Variants in IGF1R observed in about 807,000 individuals in gnomAD.
IGF1R encodes the protein insulin like growth factor 1 receptor, also known as insulin-like growth factor 1 receptor.
A neutral mutation model predicts 144.6 loss-of-function variants in IGF1R; 44 were observed. That is an observed-to-expected ratio of 0.30 (90% confidence interval 0.24 to 0.39). The LOEUF is 0.39. IGF1R is among the 10% of genes least tolerant of loss of function. The pLI is 1.00. For synonymous variants in IGF1R, 795 were observed against 722.8 expected, an observed-to-expected ratio of 1.10 and a Z score of -1.60; for missense variants, 1,355 against 1,833.7, an observed-to-expected ratio of 0.74 and a Z score of 4.77.
intron 4 of IGF1R, 86 bp from the exon 5 acceptor site, chr15:98,899,391 T>A: frequency 7.1e-7 from 1 of 1,400,882 alleles, no homozygotes. Flanking sequence ...TGCCGTTGAA[T>A]TGTTCTCACT....
intron 2 of IGF1R, among the ~76,000 whole-genome samples, chr15:98,793,909 A>AT (rs1406376076): frequency 6.6e-6 from 1 of 152,212 alleles, no homozygotes; most frequent in African/African-American, 2.4e-5. Context: ...TAGAATTTAG[A>AT]TAGCTTCACT....
intron 2 of IGF1R, among the ~76,000 whole-genome samples, chr15:98,714,396 C>T (rs1430840798): frequency 6.6e-6 from 1 of 152,136 alleles, no homozygotes; most frequent in African/African-American, 2.4e-5. Context: ...GTAATCCTAG[C>T]ATTTGGGGAG....
rs575084890 is a variant in IGF1R, at chr15:98,886,768, T to A, written c.641-4557T>A. On this transcript the variant is annotated intron_variant, in intron 2 of 20. Coordinates refer to ENST00000650285, the MANE Select transcript of IGF1R (RefSeq NM_000875.5). Reference sequence around the variant, plus strand: ...TTAATGGTCCTGAACACTAATAATATTTATATACATTGAGATGAGACAAAA... The same window carrying A: ...TTAATGGTCCTGAACACTAATAATAATTATATACATTGAGATGAGACAAAA... 4.6e-5 allele frequency among the ~76,000 whole-genome samples: 7 copies of A among 152,224 alleles called. No homozygotes were observed. In the South Asian group the frequency reaches 1.5e-3, roughly 32 times the overall value.
intron 2 of IGF1R, among the ~76,000 whole-genome samples, chr15:98,861,836 C>A (rs2012174696): frequency 1.3e-5 from 2 of 152,212 alleles, no homozygotes. Context: ...GCACATGTAC[C>A]TAAAAGGATT....
At chr15:98,848,318 T>C (rs745839793) in intron 2 of IGF1R, among the ~76,000 whole-genome samples, 3 of 152,236 alleles carry the variant, frequency 2.0e-5, no homozygotes, top group East Asian at 1.9e-4. Context: ...TCACAACTTA[T>C]GTGAAATACA....
intron 20 of IGF1R, among the ~76,000 whole-genome samples, chr15:98,950,267 A>G (rs1001890258): frequency 2.0e-5 from 3 of 152,190 alleles, no homozygotes; most frequent in African/African-American, 7.2e-5. Context: ...TATGAACCAG[A>G]CATGTGTCAG....
chr15:98,835,080 T>TACAC lies in IGF1R; in HGVS notation c.641-56218_641-56215dup, dbSNP rs34443123. Reference sequence around the variant, plus strand: ...GGCCAGGGCAAGAGAACACCCCCCCTACACACACACACACACACACACACA... The same window carrying TACAC: ...GGCCAGGGCAAGAGAACACCCCCCCTACACACACACACACACACACACACACACA... On this transcript the variant is annotated intron_variant, in intron 2 of 20. Coordinates refer to ENST00000650285, the MANE Select transcript of IGF1R (RefSeq NM_000875.5). 5.3e-3 allele frequency among the ~76,000 whole-genome samples: 691 copies of TACAC among 130,474 alleles called. 8 individuals are homozygous for TACAC. Among genetic ancestry groups the TACAC allele is most frequent in the East Asian group, 0.053 (240 of 4,548 alleles). 85.6% of individuals were successfully genotyped at this position (130,474 alleles called of 152,430 possible). A position where few individuals can be genotyped will look rare whatever the true frequency, so the allele number is the denominator to read the frequency against.
chr15:98,699,095 G>A (rs1233933223), intron 1 of IGF1R, among the ~76,000 whole-genome samples: 1 of 152,266 alleles, frequency 6.6e-6, no homozygotes, highest in African/African-American at 2.4e-5. Flanking sequence ...TCACGAGAGA[G>A]AGGGAAAGGA....
intron 19 of IGF1R, 124 bp from the exon 20 acceptor site, chr15:98,948,450 C>A: frequency 9.8e-7 from 1 of 1,024,790 alleles, no homozygotes; most frequent in Non-Finnish European, 1.5e-6. Flanking sequence ...CGCTGTCTGA[C>A]AAGCACTGTC....
chr15:98,788,365 C>T (rs949289392), intron 2 of IGF1R, among the ~76,000 whole-genome samples: 2 of 152,044 alleles, frequency 1.3e-5, no homozygotes, highest in African/African-American at 4.8e-5. Flanking sequence ...GGGAGACAGT[C>T]TCTGAGTCAT....
At position 98,916,698 on chromosome 15, in the gene IGF1R, GACGGC is replaced by G; in HGVS notation, c.2026_2030del (p.Gly676HisfsTer4). The G allele has an allele frequency of 6.2e-7, 1 of 1,614,090 alleles. No individual in the cohort carries two copies. The highest frequency in any genetic ancestry group is 8.5e-7 in the Non-Finnish European group (1 of 1,180,010). On this transcript the variant is annotated frameshift_variant, in exon 10 of 21. Transcript: ENST00000650285. LOFTEE classifies it high-confidence loss of function. The stretch of plus-strand genomic sequence containing the variant: ...CAAAATCCCCATCAGGAAGTATGCC[GACGGC>G]ACCATCGACATTGAGGAGGTCACAG...
chr15:98,746,777 A>C (rs999446035), intron 2 of IGF1R, among the ~76,000 whole-genome samples: 4 of 152,110 alleles, frequency 2.6e-5, no homozygotes, highest in African/African-American at 7.2e-5. Context: ...TTAATTTGAG[A>C]GTTGAGGCCC....
chr15:98,685,099 C>T (rs552403500), intron 1 of IGF1R, among the ~76,000 whole-genome samples: 53 of 152,048 alleles, frequency 3.5e-4, no homozygotes, highest in African/African-American at 1.2e-3. Flanking sequence ...TGTGCCATCA[C>T]GCCTGGCTAA....
At chr15:98,855,656 G>A (rs1463067156) in intron 2 of IGF1R, among the ~76,000 whole-genome samples, 3 of 152,092 alleles carry the variant, frequency 2.0e-5, no homozygotes, top group Non-Finnish European at 4.4e-5. Flanking sequence ...TAATGTATAC[G>A]TTTAGAACCT....
At chr15:98,895,838 C>G (rs989499080) in intron 3 of IGF1R, among the ~76,000 whole-genome samples, 1 of 152,138 alleles carries the variant, frequency 6.6e-6, no homozygotes, top group Non-Finnish European at 1.5e-5. Context: ...TAATGGCTCC[C>G]CAGCTTACCA....
chr15:98,748,137 C>T (rs114977077), intron 2 of IGF1R, among the ~76,000 whole-genome samples: 48 of 152,196 alleles, frequency 3.2e-4, no homozygotes, highest in African/African-American at 1.1e-3. Flanking sequence ...TTCATATTTA[C>T]TTCTGCATGC....
At chr15:98,874,013 A>T (rs1281938038) in intron 2 of IGF1R, among the ~76,000 whole-genome samples, 1 of 152,182 alleles carries the variant, frequency 6.6e-6, no homozygotes, top group Non-Finnish European at 1.5e-5. Context: ...TGAGCTTATT[A>T]AGAGCCCTGC....
intron 2 of IGF1R, among the ~76,000 whole-genome samples, chr15:98,815,535 A>G (rs983648200): frequency 6.6e-6 from 1 of 152,192 alleles, no homozygotes; most frequent in African/African-American, 2.4e-5. Context: ...ATCCTATTGC[A>G]ATTATTTATG....
At chr15:98,803,369 A>G (rs911988857) in intron 2 of IGF1R, among the ~76,000 whole-genome samples, 1 of 152,304 alleles carries the variant, frequency 6.6e-6, no homozygotes, top group African/African-American at 2.4e-5. Context: ...ACACCTGTAT[A>G]GGGCACTTAC....
Sources: gnomAD v4.1 joint callset for allele counts (sites outside exome capture counted in the v4.1 genomes callset) on GRCh38, gnomAD v4.1.1 for gene constraint, MANE v1.5 for transcripts, NCBI Gene and HGNC (gene_info 2026-07-23, HGNC 2026-07-21) for gene names.